The following BRAT1 variants were observed in gnomAD, a reference collection of about 807,000 sequenced individuals.
BRAT1 encodes the protein integrator complex assembly factor BRAT1.
BRAT1 carries 74 observed loss-of-function variants against 70.6 expected under a neutral mutation model. The observed-to-expected ratio is 1.05, with a 90% confidence interval of 0.87 to 1.27. BRAT1 has a LOEUF of 1.27. Among genes scored for constraint, BRAT1 ranks in the 50% most tolerant of loss-of-function variants. The probability of loss-of-function intolerance (pLI) is 0.00; values close to 1 mark genes in which losing one functional copy is unlikely to be tolerated. For missense variants in BRAT1, 1,203 were observed against 1,098.2 expected (o/e 1.10, Z -1.35); for synonymous variants, 615 against 517.1 (o/e 1.19, Z -2.57).
rs373538456 is a variant in BRAT1, at chr7:2,538,293, C to T, written c.2242G>A (p.Ala748Thr). Reference sequence around the variant, plus strand: ...CGCCACCTCGGCAGGGTGGCCTCTGCGGAGGCAGTGTTGGGGCTGCCCCTG... The same window carrying T: ...CGCCACCTCGGCAGGGTGGCCTCTGTGGAGGCAGTGTTGGGGCTGCCCCTG... ...EARGSPNTAS[A>T]EATLPRWRAG... The change falls in exon 14 of 14, where the codon GCA becomes ACA. Residue 748 changes from alanine (A) to threonine (T), a missense_variant. Transcript: ENST00000340611. 19 of 1,612,400 alleles carry T rather than the reference C, an allele frequency of 1.2e-5. No homozygotes were observed. Among genetic ancestry groups the T allele is most frequent in the Admixed American group, 1.7e-5 (1 of 60,008 alleles).
chr7:2,547,548 TCTC>T (rs1330862558), intron 2 of BRAT1, 70 bp from the exon 3 acceptor site: 23 of 1,530,962 alleles, frequency 1.5e-5, no homozygotes, highest in East Asian at 2.3e-5. Flanking sequence ...TGACCGCTCT[TCTC>T]CTAGCAATTC....
chr7:2,544,246 A>T (rs995560251), intron 4 of BRAT1: 1 of 231,310 alleles, frequency 4.3e-6, no homozygotes, highest in Non-Finnish European at 7.3e-6. Flanking sequence ...TCTGTTGCCC[A>T]GGGTGGAGTA....
chr7:2,554,327 C>G lies in BRAT1; in HGVS notation c.105G>C (p.Trp35Cys). The change falls in exon 2 of 14, where the codon TGG (tryptophan) becomes TGC (cysteine). Residue 35 changes from tryptophan (W) to cysteine (C), a missense_variant. By Grantham distance (215) the Trp-to-Cys change is radical. Transcript: ENST00000340611. The stretch of plus-strand genomic sequence containing the variant: ...TACCTCCTTCAGTGACCGTTTTAAA[C>G]CAGTCCAGGAGCTTCTCCAAACAGG... Reference protein sequence around the residue: ...DDTCLEKLLDWFKTVTEGESS... With the variant: ...DDTCLEKLLDCFKTVTEGESS... 1 of 1,613,922 alleles carries G rather than the reference C, an allele frequency of 6.2e-7. No individual in the cohort carries two copies. The highest frequency in any genetic ancestry group is 8.5e-7 in the Non-Finnish European group (1 of 1,179,850).
Position 2,543,527 on chromosome 7 carries a change from G to A in BRAT1, c.803+63C>T. ...CTCCGGCTGCCAGTGGGACATCCCT[G>A]GGCGTTATCCGAGGAAAACAGTTGC... On this transcript the variant is annotated intron_variant, in intron 5 of 13. Transcript: ENST00000340611. This position sits in a 1 kb window ranked among gnomAD's most constrained non-coding sequence, Gnocchi z 5.5. 1.3e-6 allele frequency: 2 copies of A among 1,494,982 alleles called. No individual in the cohort carries two copies. Among genetic ancestry groups the A allele is most frequent in the Non-Finnish European group, 8.9e-7 (1 of 1,124,404 alleles). 92.6% of individuals were successfully genotyped at this position (1,494,982 alleles called of 1,614,324 possible).
chr7:2,547,165 A>G (rs1779675722), intron 3 of BRAT1, among the ~76,000 whole-genome samples, 159 bp downstream of exon 3: 1 of 152,202 alleles, frequency 6.6e-6, no homozygotes, highest in African/African-American at 2.4e-5. Flanking sequence ...AGGGGGCTAC[A>G]GTCGGGGGTA....
intron 3 of BRAT1, among the ~76,000 whole-genome samples, chr7:2,545,640 C>T (rs2128400803): frequency 6.6e-6 from 1 of 152,052 alleles, no homozygotes; most frequent in African/African-American, 2.4e-5. Context: ...CAGGTGCCCA[C>T]CACCACACCC....
At position 2,541,717 on chromosome 7, in the gene BRAT1, C is replaced by G. The variant is rs1407067985; in HGVS notation, c.1134+1G>C. 6 of 1,605,740 alleles carry G rather than the reference C, an allele frequency of 3.7e-6. No homozygotes were observed. Among genetic ancestry groups the G allele is most frequent in the African/African-American group, 1.3e-5 (1 of 74,850 alleles). On this transcript the variant is annotated splice_donor_variant, in intron 8 of 13. Transcript: ENST00000340611. LOFTEE classifies it high-confidence loss of function. ...CTGCATGAGGACCGGGCCGCACCTA[C>G]CAGCGGCTGCAGCTCCTCCAGGTGA...
intron 4 of BRAT1, chr7:2,544,197 G>GTTTTTTTTTTTTTTTTTT: frequency 8.3e-6 from 1 of 121,098 alleles, no homozygotes; most frequent in Non-Finnish European, 1.5e-5. Flanking sequence ...GTTCCTTCTT[G>GTTTTTTTTTTTTTTTTTT]TTGTTTTTTT....
At position 2,552,111 on chromosome 7, in the gene BRAT1, T is replaced by G. The variant is rs1163126714; in HGVS notation, c.127+2194A>C. On this transcript the variant is annotated intron_variant, in intron 2 of 13. Coordinates refer to ENST00000340611, the MANE Select transcript of BRAT1 (RefSeq NM_152743.4). ...ATATATATATATATATATATATTTT[T>G]TTTTTTTTTTTTTTTTTTTTTTTGA... Among the ~76,000 whole-genome samples the G allele has an allele frequency of 7.6e-4, 54 of 70,962 alleles. 1 individual carries two copies. The highest frequency in any genetic ancestry group is 1.3e-3 in the Non-Finnish European group (45 of 35,240). 46.6% of individuals were successfully genotyped at this position (70,962 alleles called of 152,430 possible). A position where few individuals can be genotyped will look rare whatever the true frequency, so the allele number is the denominator to read the frequency against.
rs113036786 is a variant in BRAT1 at position 2,553,482 on chromosome 7, G to C, written c.127+823C>G. On this transcript the variant is annotated intron_variant, in intron 2 of 13. Coordinates refer to ENST00000340611, the MANE Select transcript of BRAT1 (RefSeq NM_152743.4). ...GAAAACACTCACTATGATAGCAAGAGAGAAAGCAAGACACCAAAATTGTGT... is the reference window on the plus strand; with the variant it reads ...GAAAACACTCACTATGATAGCAAGACAGAAAGCAAGACACCAAAATTGTGT... Among the ~76,000 whole-genome samples, 1,251 of 152,100 alleles carry C rather than the reference G, an allele frequency of 8.2e-3. 13 individuals carry two copies. The highest frequency in any genetic ancestry group is 0.015 in the Non-Finnish European group (1,029 of 67,998).
At chr7:2,554,775 C>A (rs1780290165) in intron 1 of BRAT1, among the ~76,000 whole-genome samples, 1 of 152,220 alleles carries the variant, frequency 6.6e-6, no homozygotes, top group East Asian at 1.9e-4. Flanking sequence ...GCCCAGGCTG[C>A]AGGTGGGCCA....
rs146083473 is a variant in BRAT1 at position 2,539,417 on chromosome 7, C to G, written c.1598-66G>C. Reference sequence around the variant, plus strand: ...CGAGCCTTGTCGCCTCGGCCTCTGCCTCCATCCCCTTGTGGGCAGCCGACA... The same window carrying G: ...CGAGCCTTGTCGCCTCGGCCTCTGCGTCCATCCCCTTGTGGGCAGCCGACA... On this transcript the variant is annotated intron_variant, in intron 12 of 13. Coordinates refer to ENST00000340611, the MANE Select transcript of BRAT1 (RefSeq NM_152743.4). 1.4e-4 allele frequency: 214 copies of G among 1,540,904 alleles called. No homozygotes were observed. The African/African-American group carries it at 2.8e-3, about 21-fold the overall frequency.
Position 2,537,945 on chromosome 7 carries a change from TG to T in BRAT1, c.*123del. ...GGATTTCTTGACCTTGCTTCTCTCCTGGTCCTGGCTTCCCCAGAGGATCCAC... is the reference window on the plus strand; with the variant it reads ...GGATTTCTTGACCTTGCTTCTCTCCTGTCCTGGCTTCCCCAGAGGATCCAC... On this transcript the variant is annotated 3_prime_UTR_variant, in exon 14 of 14. Coordinates refer to ENST00000340611, the MANE Select transcript of BRAT1 (RefSeq NM_152743.4). 1.5e-6 allele frequency: 2 copies of T among 1,370,966 alleles called. No homozygotes were observed. Among genetic ancestry groups the T allele is most frequent in the Non-Finnish European group, 1.9e-6 (2 of 1,060,824 alleles). The allele number at this position is 1,370,966 out of a possible 1,614,324, so 84.9% of individuals were successfully genotyped here.
At position 2,543,777 on chromosome 7, in the gene BRAT1, A is replaced by G. The variant is rs560602453; in HGVS notation, c.616T>C (p.Leu206=). Residue 206 remains leucine (L), a synonymous_variant, in exon 5 of 14, where the codon TTG becomes CTG. Transcript: ENST00000340611. The surrounding 1 kb of genome is among the most constrained non-coding windows in gnomAD (Gnocchi z 5.5). ...ACCTTGGGGGTGGCCGCGGAGCACA[A>G]GGACTCTTCAACGTGATCCATGATC... ...QKIMDHVEES[L]CSAATPKVTQ... The G allele has an allele frequency of 7.4e-6, 12 of 1,611,998 alleles. No individual in the cohort carries two copies. In the South Asian group the frequency reaches 1.3e-4, roughly 18 times the overall value.
chr7:2,539,133 G>T, intron 13 of BRAT1, 46 bp downstream of exon 13: 1 of 1,558,622 alleles, frequency 6.4e-7, no homozygotes, highest in South Asian at 1.2e-5. Context: ...GAGCACACAC[G>T]ATGGCCAGGC....
intron 1 of BRAT1, among the ~76,000 whole-genome samples, chr7:2,555,029 G>A (rs1376076176): frequency 1.3e-5 from 2 of 151,372 alleles, no homozygotes; most frequent in South Asian, 4.2e-4. Flanking sequence ...GGGTGAGGAG[G>A]GGAAGGGGCA....
intron 2 of BRAT1, among the ~76,000 whole-genome samples, chr7:2,548,716 A>C (rs578001912): frequency 6.6e-6 from 1 of 151,556 alleles, no homozygotes; most frequent in African/African-American, 2.4e-5. Context: ...TAATCCCAGC[A>C]CTTTTGAAGG....
chr7:2,543,725 G>A lies in BRAT1; in HGVS notation c.668C>T (p.Thr223Met), dbSNP rs545329453. Reference protein sequence around the residue: ...KVTQALNVLTTTFGRCQSPWT... With the variant: ...KVTQALNVLTMTFGRCQSPWT... ...GGGGCTCTGGCAGCGCCCGAAGGTC[G>A]TGGTCAGGACGTTCAGGGCCTGAGT... is the stretch of plus-strand genomic sequence containing the variant. The change falls in exon 5 of 14, where the codon ACG (threonine) becomes ATG (methionine). Residue 223 changes from threonine to methionine, a missense_variant. By Grantham distance (81) the Thr-to-Met change is moderately conservative. Coordinates refer to ENST00000340611, the MANE Select transcript of BRAT1 (RefSeq NM_152743.4). The surrounding 1 kb of genome is among the most constrained non-coding windows in gnomAD (Gnocchi z 5.5). 2.4e-5 allele frequency: 38 copies of A among 1,590,740 alleles called. 1 individual carries two copies. The East Asian group carries it at 5.2e-4, about 22-fold the overall frequency.
intron 2 of BRAT1, among the ~76,000 whole-genome samples, chr7:2,550,467 CA>C (rs71550358): frequency 4.2e-3 from 137 of 32,666 alleles, no homozygotes; most frequent in African/African-American, 0.017. Flanking sequence ...GACTCCATCT[CA>C]AAAAAAAAAA....
Sources: allele counts gnomAD v4.1 joint callset (sites outside exome capture counted in the v4.1 genomes callset), GRCh38; gene constraint gnomAD v4.1.1; non-coding constraint Gnocchi (gnomAD v3.1); transcripts MANE v1.5; gene names NCBI Gene and HGNC (gene_info 2026-07-23, HGNC 2026-07-21).